Variants in NCOA1 observed in about 807,000 individuals in gnomAD.
NCOA1 encodes the protein nuclear receptor coactivator 1, also known as Hin-2 protein.
A neutral mutation model predicts 150.9 loss-of-function variants in NCOA1; 35 were observed. The observed-to-expected ratio is 0.23, with a 90% CI of 0.18 to 0.31. The LOEUF (loss-of-function observed/expected upper bound fraction) is 0.31. Among genes scored for constraint, NCOA1 ranks in the 10% least tolerant of loss-of-function variants. The pLI is 1.00. For missense variants in NCOA1, 1,491 were observed against 1,749.3 expected, an observed-to-expected ratio of 0.85 and a Z score of 2.63; for synonymous variants, 590 against 630.0, an observed-to-expected ratio of 0.94 and a Z score of 0.95.
At chr2:24,557,267 C>T (rs994646737) in intron 1 of NCOA1, among the ~76,000 whole-genome samples, 3 of 151,912 alleles carry the variant, frequency 2.0e-5, no homozygotes, top group Non-Finnish European at 4.4e-5. Flanking sequence ...TAATATTATG[C>T]CACTTTATAT....
At chr2:24,540,893 G>A (rs554702960) in intron 1 of NCOA1, among the ~76,000 whole-genome samples, 2 of 152,330 alleles carry the variant, frequency 1.3e-5, no homozygotes, top group South Asian at 2.1e-4. Context: ...ACAGAAGGGG[G>A]ATTCTAGACT....
intron 11 of NCOA1, among the ~76,000 whole-genome samples, chr2:24,704,777 G>GA (rs79128273): frequency 6.8e-4 from 91 of 134,706 alleles, no homozygotes; most frequent in African/African-American, 1.8e-3. Flanking sequence ...TGTCTCAAAA[G>GA]AAAAAAAAAA....
chr2:24,559,017 T>TG (rs1666191899), intron 1 of NCOA1, among the ~76,000 whole-genome samples: 3 of 152,148 alleles, frequency 2.0e-5, no homozygotes, highest in African/African-American at 7.2e-5. Context: ...ACATTCAACG[T>TG]GGGGGTCCAT....
intron 1 of NCOA1, among the ~76,000 whole-genome samples, chr2:24,504,127 C>G (rs997687843): frequency 9.2e-5 from 14 of 152,028 alleles, no homozygotes; most frequent in African/African-American, 3.4e-4. Context: ...AATGCTCTAC[C>G]CACAGTATAC....
chr2:24,627,143 T>A (rs1255402516), intron 3 of NCOA1, among the ~76,000 whole-genome samples: 2 of 112,784 alleles, frequency 1.8e-5, no homozygotes, highest in Non-Finnish European at 3.8e-5. Context: ...TTTTTTTTTT[T>A]AAGTTAAGGC....
chr2:24,582,048 A>G (rs1667213498), intron 2 of NCOA1, among the ~76,000 whole-genome samples: 1 of 152,196 alleles, frequency 6.6e-6, no homozygotes, highest in Admixed American at 6.5e-5. Context: ...GAAAGGAATA[A>G]GGCAAGGATG....
At chr2:24,739,088 T>A (rs944364659) in intron 17 of NCOA1, among the ~76,000 whole-genome samples, 15 of 152,134 alleles carry the variant, frequency 9.9e-5, no homozygotes, top group Non-Finnish European at 1.9e-4. Flanking sequence ...GGCTGGTACT[T>A]CTTCTTCCCC....
chr2:24,539,127 G>GT (rs956173558), intron 1 of NCOA1, among the ~76,000 whole-genome samples: 3 of 146,730 alleles, frequency 2.0e-5, no homozygotes, highest in African/African-American at 4.9e-5. Flanking sequence ...TTGAAGGTGA[G>GT]TTTTTTCCCC....
chr2:24,643,654 A>T (rs1670333569), intron 3 of NCOA1, among the ~76,000 whole-genome samples: 1 of 152,232 alleles, frequency 6.6e-6, no homozygotes, highest in African/African-American at 2.4e-5. Flanking sequence ...AGGAAGAAGG[A>T]TAAATATACA....
chr2:24,742,309 A>G, intron 19 of NCOA1, 123 bp downstream of exon 19: 1 of 1,161,694 alleles, frequency 8.6e-7, no homozygotes, highest in Non-Finnish European at 1.2e-6. Context: ...CTGACGTGGG[A>G]GTCTGGAGAC....
At chr2:24,720,705 GAAGGAAAAAGA>G (rs1259412538) in intron 14 of NCOA1, among the ~76,000 whole-genome samples, 1 of 152,078 alleles carries the variant, frequency 6.6e-6, no homozygotes, top group Non-Finnish European at 1.5e-5. Context: ...AAGGATTGCA[GAAGGAAAAAGA>G]AAGAAAAAAG....
chr2:24,622,556 C>T (rs1377177721), intron 3 of NCOA1, among the ~76,000 whole-genome samples: 1 of 152,082 alleles, frequency 6.6e-6, no homozygotes, highest in Non-Finnish European at 1.5e-5. Context: ...TTTGGTAACT[C>T]CAGAAGGATA....
chr2:24,492,603 G>C (rs527855014), intron 1 of NCOA1, among the ~76,000 whole-genome samples: 31 of 152,296 alleles, frequency 2.0e-4, no homozygotes, highest in African/African-American at 7.5e-4. Context: ...GGATCTGTTA[G>C]CCTCTCATGC....
rs1662786718 is a variant in NCOA1 at position 24,727,981 on chromosome 2, T to C, written c.2718-327T>C. On this transcript the variant is annotated intron_variant, in intron 15 of 22. Transcript: ENST00000348332. ...ATAGGCTAAATGATTTTTTCTCAGT[T>C]TTTGGCTGATTTTGTTTTTACTTTT... Among the ~76,000 whole-genome samples the C allele has an allele frequency of 2.6e-5, 4 of 152,210 alleles. 1 individual carries two copies. Among genetic ancestry groups the C allele is most frequent in the Admixed American group, 2.6e-4 (4 of 15,284 alleles).
intron 3 of NCOA1, among the ~76,000 whole-genome samples, chr2:24,627,705 G>GT (rs571518394): frequency 6.6e-6 from 1 of 152,164 alleles, no homozygotes; most frequent in Non-Finnish European, 1.5e-5. Context: ...GAACAACTTG[G>GT]TTTTGATGGT....
intron 4 of NCOA1, among the ~76,000 whole-genome samples, chr2:24,648,569 C>T (rs543354437): frequency 2.0e-5 from 3 of 152,114 alleles, no homozygotes; most frequent in Non-Finnish European, 4.4e-5. Context: ...CTGCACCCAG[C>T]CCTCATATTG....
At chr2:24,657,991 G>A (rs1197144148) in intron 4 of NCOA1, among the ~76,000 whole-genome samples, 1 of 152,154 alleles carries the variant, frequency 6.6e-6, no homozygotes, top group African/African-American at 2.4e-5. Context: ...GTTGCTAACT[G>A]GTGCAACATG....
At chr2:24,738,807 T>C (rs566579720) in intron 17 of NCOA1, among the ~76,000 whole-genome samples, 1 of 152,352 alleles carries the variant, frequency 6.6e-6, no homozygotes, top group South Asian at 2.1e-4. Flanking sequence ...CATTGTTCTT[T>C]AGCATACCAA....
chr2:24,665,056 A>G (rs1405201217), intron 5 of NCOA1, among the ~76,000 whole-genome samples: 2 of 152,174 alleles, frequency 1.3e-5, no homozygotes, highest in Non-Finnish European at 2.9e-5. Context: ...AAAAGGTGCT[A>G]CCTGTATGCA....
Sources: allele counts gnomAD v4.1 joint callset (sites outside exome capture counted in the v4.1 genomes callset), GRCh38; gene constraint gnomAD v4.1.1; transcripts MANE v1.5; gene names NCBI Gene and HGNC (gene_info 2026-07-23, HGNC 2026-07-21).